ZRANB3: variants seen among roughly 807,000 people sequenced by gnomAD.
ZRANB3 encodes DNA annealing helicase and endonuclease ZRANB3.
In ZRANB3, 125 loss-of-function variants were observed where a neutral mutation model predicts 133.8. The observed-to-expected ratio is 0.93, with a 90% CI of 0.81 to 1.08. ZRANB3 has a LOEUF of 1.08. Among genes scored for constraint, ZRANB3 ranks in the 50% least tolerant of loss-of-function variants. The pLI, the probability that ZRANB3 is intolerant of heterozygous loss-of-function variation, is 0.00. For missense variants in ZRANB3, 1,229 were observed against 1,275.5 expected, an observed-to-expected ratio of 0.96 and a Z score of 0.56; for synonymous variants, 387 against 432.7, an observed-to-expected ratio of 0.89 and a Z score of 1.31.
chr2:135,491,621 C>A (rs1022180531), intron 2 of ZRANB3, among the ~76,000 whole-genome samples: 11 of 152,130 alleles, frequency 7.2e-5, no homozygotes, highest in African/African-American at 2.7e-4. Flanking sequence ...TCAAGCAATT[C>A]CCCTGCCTCA....
intron 2 of ZRANB3, among the ~76,000 whole-genome samples, chr2:135,415,072 A>C (rs1023206187): frequency 6.6e-6 from 1 of 150,388 alleles, no homozygotes; most frequent in Non-Finnish European, 1.5e-5. Flanking sequence ...AACACATTCA[A>C]AAGCTAGCAG....
At chr2:135,381,584 GAGGCACCCC>G (rs1230451653) in intron 3 of ZRANB3, among the ~76,000 whole-genome samples, 1 of 152,170 alleles carries the variant, frequency 6.6e-6, no homozygotes, top group Non-Finnish European at 1.5e-5. Context: ...GCCTAACTGG[GAGGCACCCC>G]TAAGTAGGGG....
chr2:135,294,497 T>C (rs1681932396), intron 8 of ZRANB3, among the ~76,000 whole-genome samples: 1 of 152,192 alleles, frequency 6.6e-6, no homozygotes, highest in Admixed American at 6.5e-5. Context: ...TTCTTCTTTA[T>C]TAGTCTTGCT....
chr2:135,377,799 T>C (rs1686493361), intron 3 of ZRANB3, among the ~76,000 whole-genome samples: 2 of 152,218 alleles, frequency 1.3e-5, no homozygotes, highest in African/African-American at 4.8e-5. Flanking sequence ...ATACAAAGTA[T>C]TGATCCTGGG....
rs142653165 is a variant in ZRANB3 at position 135,277,696 on chromosome 2, G to A, written c.967-1941C>T. Reference sequence around the variant, plus strand: ...TCCAAGCACTTTGGGAAGCCAAGGCGGGCAGATCACTTAAGGTCAGGAGTT... The same window carrying A: ...TCCAAGCACTTTGGGAAGCCAAGGCAGGCAGATCACTTAAGGTCAGGAGTT... On this transcript the variant is annotated intron_variant, in intron 8 of 20. Coordinates refer to ENST00000264159, the MANE Select transcript of ZRANB3 (RefSeq NM_032143.4). Among the ~76,000 whole-genome samples, 460 of 152,230 alleles carry A rather than the reference G, an allele frequency of 3.0e-3. 2 individuals are homozygous for A. Among genetic ancestry groups the A allele is most frequent in the African/African-American group, 0.01 (432 of 41,566 alleles).
At chr2:135,485,409 G>C (rs990150466) in intron 2 of ZRANB3, among the ~76,000 whole-genome samples, 2 of 152,166 alleles carry the variant, frequency 1.3e-5, no homozygotes, top group African/African-American at 4.8e-5. Flanking sequence ...GCATGTATGA[G>C]AGACTTTGCC....
intron 10 of ZRANB3, among the ~76,000 whole-genome samples, chr2:135,270,055 A>G (rs1305672750): frequency 1.3e-5 from 2 of 152,186 alleles, no homozygotes; most frequent in Non-Finnish European, 2.9e-5. Context: ...TCATGCTAGC[A>G]TTAATTAAAT....
intron 3 of ZRANB3, among the ~76,000 whole-genome samples, chr2:135,386,020 C>A (rs967547648): frequency 2.0e-5 from 3 of 152,122 alleles, no homozygotes; most frequent in Non-Finnish European, 2.9e-5. Context: ...AGATCCTCTG[C>A]AAGGCAAAAG....
At chr2:135,511,531 A>C in intron 1 of ZRANB3, 1 of 1,024,832 alleles carries the variant, frequency 9.8e-7, no homozygotes, top group East Asian at 2.4e-5. Context: ...AAACCCACCA[A>C]AGACCTCATC....
chr2:135,321,276 T>C (rs1231010266), intron 6 of ZRANB3, among the ~76,000 whole-genome samples: 2 of 152,166 alleles, frequency 1.3e-5, no homozygotes, highest in East Asian at 3.9e-4. Flanking sequence ...CAGCAGAAAG[T>C]TCCAGTTGTT....
At chr2:135,220,866 T>A (rs567070238) in intron 15 of ZRANB3, among the ~76,000 whole-genome samples, 3 of 150,720 alleles carry the variant, frequency 2.0e-5, no homozygotes, top group Admixed American at 6.6e-5. Flanking sequence ...TTATTTTTTT[T>A]TTTTTTTTGA....
chr2:135,370,039 T>C (rs1267968006), intron 3 of ZRANB3, among the ~76,000 whole-genome samples: 2 of 150,282 alleles, frequency 1.3e-5, no homozygotes, highest in Admixed American at 6.6e-5. Context: ...GTTTCTTTTT[T>C]TTTTTTTTTT....
chr2:135,315,556 A>G, intron 6 of ZRANB3, 26 bp from the exon 7 acceptor site: 1 of 1,396,992 alleles, frequency 7.2e-7, no homozygotes, highest in Non-Finnish European at 9.4e-7. Context: ...CAAAACATGT[A>G]GCAAAATTGA....
intron 2 of ZRANB3, among the ~76,000 whole-genome samples, chr2:135,486,468 T>G: frequency 6.6e-6 from 1 of 152,188 alleles, no homozygotes; most frequent in East Asian, 1.9e-4. Context: ...CTTCTAATTC[T>G]CTTGCTATTT....
chr2:135,381,149 C>A (rs926167043), intron 3 of ZRANB3, among the ~76,000 whole-genome samples: 1 of 152,200 alleles, frequency 6.6e-6, no homozygotes, highest in Non-Finnish European at 1.5e-5. Context: ...GTCACTCCCA[C>A]CCTAATACTG....
At chr2:135,353,374 C>T in intron 4 of ZRANB3, 76 bp downstream of exon 4, 1 of 992,628 alleles carries the variant, frequency 1.0e-6, no homozygotes, top group East Asian at 2.8e-5. Context: ...GGTGATATTG[C>T]ATTCTAAAAC....
chr2:135,331,026 T>C (rs1055557562), intron 6 of ZRANB3, among the ~76,000 whole-genome samples: 3 of 152,120 alleles, frequency 2.0e-5, no homozygotes, highest in Non-Finnish European at 4.4e-5. Context: ...TTTTGAATCA[T>C]TGATTTTGGT....
rs1443376625 is a variant in ZRANB3, at chr2:135,269,233, G to GGACT, written c.1207-96_1207-93dup. On this transcript the variant is annotated intron_variant, in intron 10 of 20. Coordinates refer to ENST00000264159, the MANE Select transcript of ZRANB3 (RefSeq NM_032143.4). Reference sequence around the variant, plus strand: ...AACATGTTAAATGGAGAACACTGAAGGACTTGAAAACAAATTAGTTGTCTA... The same window carrying GGACT: ...AACATGTTAAATGGAGAACACTGAAGGACTGACTTGAAAACAAATTAGTTGTCTA... 10 of 1,074,172 alleles carry GGACT rather than the reference G, an allele frequency of 9.3e-6. No individual in the cohort carries two copies. The East Asian group carries it at 2.4e-4, about 26-fold the overall frequency. 66.5% of individuals were successfully genotyped at this position (1,074,172 alleles called of 1,614,324 possible).
chr2:135,239,197 T>C (rs1695440750), intron 12 of ZRANB3, among the ~76,000 whole-genome samples: 1 of 152,084 alleles, frequency 6.6e-6, no homozygotes, highest in African/African-American at 2.4e-5. Flanking sequence ...TAAGAAAGAA[T>C]TATAAAATTC....
Sources: allele counts gnomAD v4.1 joint callset (sites outside exome capture counted in the v4.1 genomes callset), GRCh38; gene constraint gnomAD v4.1.1; transcripts MANE v1.5; gene names NCBI Gene and HGNC (gene_info 2026-07-23, HGNC 2026-07-21).